The following FOXO3B variants were observed in gnomAD, a reference collection of about 807,000 sequenced individuals.
FOXO3B encodes forkhead box protein O3B.
FOXO3B carries 15 observed loss-of-function variants against 21.9 expected under a neutral mutation model. That is an observed-to-expected ratio of 0.68 (90% CI 0.46 to 1.05). The LOEUF (loss-of-function observed/expected upper bound fraction) is 1.05, where lower values mean the gene tolerates loss of function less well. Among genes scored for constraint, FOXO3B ranks in the 50% least tolerant of loss-of-function variants. FOXO3B has a pLI of 0.00. For synonymous variants in FOXO3B, 135 were observed against 213.6 expected, an observed-to-expected ratio of 0.63 and a Z score of 3.21; for missense variants, 293 against 435.5, an observed-to-expected ratio of 0.67 and a Z score of 2.91.
intron 3 of FOXO3B, chr17:18,677,556 G>C: frequency 3.7e-6 from 6 of 1,605,654 alleles, no homozygotes; most frequent in Non-Finnish European, 5.1e-6. Flanking sequence ...AGAGATCCAC[G>C]GGGGCGCCGG....
At chr17:18,673,163 C>A in intron 3 of FOXO3B, 108 bp from the exon 4 acceptor site, 1 of 1,299,458 alleles carries the variant, frequency 7.7e-7, no homozygotes, top group South Asian at 1.7e-5. Flanking sequence ...TTGCCGCGCC[C>A]GCCTCCCAGG....
chr17:18,679,452 CTTTTT>C (rs546420565), intron 3 of FOXO3B, among the ~76,000 whole-genome samples: 11 of 127,358 alleles, frequency 8.6e-5, no homozygotes, highest in African/African-American at 3.6e-4. Flanking sequence ...TCCTCCTCAA[CTTTTT>C]TTTTTTTTTT....
Position 18,672,914 on chromosome 17 carries a change from G to A in FOXO3B, c.268C>T (p.Pro90Ser), listed in dbSNP as rs1160482902. The A allele has an allele frequency of 6.5e-6, 10 of 1,546,264 alleles. No homozygotes were observed. In the South Asian group the frequency reaches 1.2e-4, roughly 18 times the overall value. ...AGRAAKMAEAPASPAPLSPLE... is the reference protein window; with the variant it reads ...AGRAAKMAEASASPAPLSPLE... ...GGAGAAAGCGGGGCCGGGGAAGCCG[G>A]TGCCTCTGCCATCTTCGCCGCCCGC... The change falls in exon 4 of 4, where the codon CCG becomes TCG. Residue 90 changes from proline (P) to serine (S), a missense_variant. Pro to Ser is a moderately conservative substitution (Grantham distance 74). Around this residue, in one of 2 missense-constraint regions of FOXO3B, gnomAD observed 251 missense variants for 404.0 expected, o/e 0.62. Coordinates refer to ENST00000395675, the MANE Select transcript of FOXO3B (RefSeq NM_001368135.1). This position sits in a 1 kb window ranked among gnomAD's most constrained non-coding sequence, Gnocchi z 4.2.
At chr17:18,678,709 GTATTGAAA>G in intron 3 of FOXO3B, among the ~76,000 whole-genome samples, 1 of 150,764 alleles carries the variant, frequency 6.6e-6, no homozygotes, top group South Asian at 2.1e-4. Context: ...TGATATCAAA[GTATTGAAA>G]TATATATTCA....
At chr17:18,677,188 C>T in intron 3 of FOXO3B, 2 of 1,296,148 alleles carry the variant, frequency 1.5e-6, no homozygotes, top group South Asian at 1.4e-5. Flanking sequence ...CTCTAGAAAC[C>T]TCTTTGGCAC....
intron 3 of FOXO3B, among the ~76,000 whole-genome samples, chr17:18,675,640 A>G (rs1213666488): frequency 6.6e-6 from 1 of 152,202 alleles, no homozygotes; most frequent in Non-Finnish European, 1.5e-5. Flanking sequence ...ACATAGACAG[A>G]CAAGTAAACC....
intron 3 of FOXO3B, among the ~76,000 whole-genome samples, chr17:18,673,411 C>T (rs1260840134): frequency 6.6e-6 from 1 of 152,132 alleles, no homozygotes; most frequent in Non-Finnish European, 1.5e-5. Context: ...CACATCCGGC[C>T]AATTATTTTT....
In FOXO3B at chr17:18,672,767, C is replaced by T. The variant is rs2032397776; in HGVS notation, c.415G>A (p.Asp139Asn). ...TCCTCCTCCTCGGGGATCATGGAGT[C>T]GGCGGCCGTCTCCCCCGAGGGCTTG... ...PAKPSGETAA[D>N]SMIPEEEDDE... The change falls in exon 4 of 4, where the codon GAC (aspartate) becomes AAC (asparagine). Residue 139 changes from aspartate (D) to asparagine (N), a missense_variant. Transcript: ENST00000395675. The surrounding 1 kb of genome is among the most constrained non-coding windows in gnomAD (Gnocchi z 4.2). The T allele has an allele frequency of 1.3e-6, 2 of 1,549,014 alleles. No individual in the cohort carries two copies.
chr17:18,672,165 C>G lies in FOXO3B; in HGVS notation c.*144G>C, dbSNP rs1389865303. 6 of 1,612,686 alleles carry G rather than the reference C, an allele frequency of 3.7e-6. No homozygotes were observed. The Admixed American group carries it at 1.0e-4, about 27-fold the overall frequency. ...TCTTGGTATACTTGTTGCTATTGTCCATGGAGACAGCCCGCCGCCGGGGGG... is the reference window on the plus strand; with the variant it reads ...TCTTGGTATACTTGTTGCTATTGTCGATGGAGACAGCCCGCCGCCGGGGGG... On this transcript the variant is annotated 3_prime_UTR_variant, in exon 4 of 4. Transcript: ENST00000395675. The surrounding 1 kb of genome is among the most constrained non-coding windows in gnomAD (Gnocchi z 4.2).
rs72637396 is a variant in FOXO3B, at chr17:18,682,274, A to T, written c.-266T>A. Reference sequence around the variant, plus strand: ...TCGGAGTCGCGCATGAGTAAGAAGGAGCGGAGCCAGGCGTGCTGCTCTCAT... The same window carrying T: ...TCGGAGTCGCGCATGAGTAAGAAGGTGCGGAGCCAGGCGTGCTGCTCTCAT... On this transcript the variant is annotated 5_prime_UTR_variant, in exon 1 of 4. Transcript: ENST00000395675. The T allele has an allele frequency of 5.6e-6, 3 of 540,240 alleles. No homozygotes were observed. Among genetic ancestry groups the T allele is most frequent in the South Asian group, 4.9e-5 (3 of 60,852 alleles). 33.5% of individuals were successfully genotyped at this position (540,240 alleles called of 1,614,324 possible).
At chr17:18,681,937 G>A (rs1359968774) in intron 1 of FOXO3B, 91 bp from the exon 2 acceptor site, 2 of 644,720 alleles carry the variant, frequency 3.1e-6, no homozygotes, top group African/African-American at 1.8e-5. Context: ...CGGGCGCCTG[G>A]AAGAGGTGAC....
Position 18,674,401 on chromosome 17 carries a change from G to A in FOXO3B, c.127-1346C>T, listed in dbSNP as rs569505538. On this transcript the variant is annotated intron_variant, in intron 3 of 3. Coordinates refer to ENST00000395675, the MANE Select transcript of FOXO3B (RefSeq NM_001368135.1). ...AGCACTTTGGGAGGCCAAGGAGGGC[G>A]GATCACGAGGTCAGGAGATCGAGAT... Among the ~76,000 whole-genome samples, 1,092 of 149,452 alleles carry A rather than the reference G, an allele frequency of 7.3e-3. 9 individuals are homozygous for A. Among genetic ancestry groups the A allele is most frequent in the Middle Eastern group, 0.048 (14 of 290 alleles).
intron 3 of FOXO3B, 77 bp from the exon 4 acceptor site, chr17:18,673,132 C>G: frequency 7.1e-7 from 1 of 1,404,102 alleles, no homozygotes; most frequent in Non-Finnish European, 9.2e-7. Flanking sequence ...AGTCCTCGCC[C>G]GCTGCCGCCA....
In FOXO3B at chr17:18,672,082, T is replaced by G. The variant is rs746124570; in HGVS notation, c.*227A>C. ...CTTGGAGAGCTGGGAGGGACTGTCGTCAGCTGATTCGGGGGCTGTCTGCAG... is the reference window on the plus strand; with the variant it reads ...CTTGGAGAGCTGGGAGGGACTGTCGGCAGCTGATTCGGGGGCTGTCTGCAG... On this transcript the variant is annotated 3_prime_UTR_variant, in exon 4 of 4. Transcript: ENST00000395675. This position sits in a 1 kb window ranked among gnomAD's most constrained non-coding sequence, Gnocchi z 4.2. 246 of 1,610,210 alleles carry G rather than the reference T, an allele frequency of 1.5e-4. No individual in the cohort carries two copies. The highest frequency in any genetic ancestry group is 6.6e-4 in the Middle Eastern group (4 of 6,066).
Position 18,672,299 on chromosome 17 carries a change from T to C in FOXO3B, c.*10A>G. ...CTATGCAGTGACAGGTTGTGCCGGA[T>C]GGAGTTCTTCTAGCCGGCAGAGCTG... On this transcript the variant is annotated 3_prime_UTR_variant, in exon 4 of 4. Transcript: ENST00000395675. The surrounding 1 kb of genome is among the most constrained non-coding windows in gnomAD (Gnocchi z 4.2). 6.2e-7 allele frequency: 1 copy of C among 1,612,546 alleles called. No individual in the cohort carries two copies. The highest frequency in any genetic ancestry group is 1.1e-5 in the South Asian group (1 of 90,982).
rs2032335875 is a variant in FOXO3B at position 18,670,078 on chromosome 17, G to C, written c.*2231C>G. Reference sequence around the variant, plus strand: ...GACCAACACTGTTCACATTAGCTGAGGACACTGACAGGAGATCACAGGCCC... The same window carrying C: ...GACCAACACTGTTCACATTAGCTGACGACACTGACAGGAGATCACAGGCCC... On this transcript the variant is annotated 3_prime_UTR_variant, in exon 4 of 4. Transcript: ENST00000395675. Among the ~76,000 whole-genome samples the C allele has an allele frequency of 6.6e-6, 1 of 151,972 alleles. No homozygotes were observed. Among genetic ancestry groups the C allele is most frequent in the South Asian group, 2.1e-4 (1 of 4,816 alleles).
Position 18,672,157 on chromosome 17 carries a change from C to T in FOXO3B, c.*152G>A. 1 of 1,612,770 alleles carries T rather than the reference C, an allele frequency of 6.2e-7. No individual in the cohort carries two copies. Among genetic ancestry groups the T allele is most frequent in the Non-Finnish European group, 8.5e-7 (1 of 1,179,282 alleles). ...GCCACGGCTCTTGGTATACTTGTTG[C>T]TATTGTCCATGGAGACAGCCCGCCG... On this transcript the variant is annotated 3_prime_UTR_variant, in exon 4 of 4. Coordinates refer to ENST00000395675, the MANE Select transcript of FOXO3B (RefSeq NM_001368135.1). This position sits in a 1 kb window ranked among gnomAD's most constrained non-coding sequence, Gnocchi z 4.2.
In FOXO3B at chr17:18,672,835, C is replaced by A; in HGVS notation, c.347G>T (p.Cys116Phe). ...CTCCGGCCTTTGCAGGGGCCACGTA[C>A]AGGATCGCGGACGGCTCTGGGGCTC... ...EFEPQSRPRS[C>F]TWPLQRPELQ... The change falls in exon 4 of 4, where the codon TGT becomes TTT. Residue 116 changes from cysteine to phenylalanine, a missense_variant. Around this residue, in one of 2 missense-constraint regions of FOXO3B, gnomAD observed 251 missense variants for 404.0 expected, o/e 0.62. Coordinates refer to ENST00000395675, the MANE Select transcript of FOXO3B (RefSeq NM_001368135.1). This position sits in a 1 kb window ranked among gnomAD's most constrained non-coding sequence, Gnocchi z 4.2. 6.4e-7 allele frequency: 1 copy of A among 1,560,902 alleles called. No homozygotes were observed.
intron 3 of FOXO3B, among the ~76,000 whole-genome samples, chr17:18,674,322 C>T (rs2032437564): frequency 1.3e-5 from 2 of 151,608 alleles, no homozygotes; most frequent in African/African-American, 2.4e-5. Flanking sequence ...TAGTTATACA[C>T]AGTTAAAAAT....
Sources: allele counts gnomAD v4.1 joint callset (sites outside exome capture counted in the v4.1 genomes callset), GRCh38; gene constraint gnomAD v4.1.1; regional missense constraint gnomAD v4.1.1; non-coding constraint Gnocchi (gnomAD v3.1); transcripts MANE v1.5; gene names NCBI Gene and HGNC (gene_info 2026-07-23, HGNC 2026-07-21).